The following FAM169A variants were observed in gnomAD, a reference collection of about 807,000 sequenced individuals.
The protein encoded by FAM169A is family with sequence similarity 169 member A, also known as soluble lamin-associated protein of 75 kDa.
A neutral mutation model predicts 75.7 loss-of-function variants in FAM169A; 24 were observed. That is an observed-to-expected ratio of 0.32 (90% CI 0.23 to 0.45). FAM169A has a LOEUF of 0.45. FAM169A is among the 20% of genes least tolerant of loss of function. The pLI is 1.00. For synonymous variants in FAM169A, 271 were observed against 271.0 expected (o/e 1.00, Z 0.00); for missense variants, 673 against 784.0 (o/e 0.86, Z 1.69).
rs1473113581 is a variant in FAM169A at position 74,795,895 on chromosome 5, T to G, written c.1260+135A>C. On this transcript the variant is annotated intron_variant, in intron 11 of 12. Coordinates refer to ENST00000687041, the MANE Select transcript of FAM169A (RefSeq NM_001376049.1). ...AACTCTAGTACCTGACCTTGCTTAA[T>G]ATATATGATTTTTAACACTAAACGC... 10 of 780,128 alleles carry G rather than the reference T, an allele frequency of 1.3e-5. No individual in the cohort carries two copies. The Admixed American group carries it at 2.3e-4, about 18-fold the overall frequency. The allele number at this position is 780,128 out of a possible 1,614,324, so 48.3% of individuals were successfully genotyped here.
intron 6 of FAM169A, among the ~76,000 whole-genome samples, chr5:74,809,132 G>T (rs868040047): frequency 6.6e-6 from 1 of 152,108 alleles, no homozygotes; most frequent in South Asian, 2.1e-4. Context: ...GAAAAAAGGA[G>T]AAAGAACAAA....
intron 12 of FAM169A, 116 bp from the exon 13 acceptor site, chr5:74,782,124 A>G: frequency 1.3e-6 from 1 of 759,132 alleles, no homozygotes; most frequent in South Asian, 1.9e-5. Flanking sequence ...TTCATTACTC[A>G]AAATCGAGTA....
In FAM169A at chr5:74,811,326, G is replaced by C. The variant is rs1441178960; in HGVS notation, c.670+2514C>G. On this transcript the variant is annotated intron_variant, in intron 6 of 12. Coordinates refer to ENST00000687041, the MANE Select transcript of FAM169A (RefSeq NM_001376049.1). Reference sequence around the variant, plus strand: ...TTGGTATTCAATTTATTTATCATTAGAATCACAGAAGAGAGTAAGTGCTAA... The same window carrying C: ...TTGGTATTCAATTTATTTATCATTACAATCACAGAAGAGAGTAAGTGCTAA... 5.3e-5 allele frequency among the ~76,000 whole-genome samples: 8 copies of C among 152,154 alleles called. No homozygotes were observed. In the East Asian group the frequency reaches 1.5e-3, roughly 29 times the overall value.
At chr5:74,847,239 A>G (rs905733357) in intron 1 of FAM169A, among the ~76,000 whole-genome samples, 15 of 152,192 alleles carry the variant, frequency 9.9e-5, no homozygotes, top group Middle Eastern at 3.4e-3. Flanking sequence ...CATTTCCAGA[A>G]CTTTTTCATC....
Position 74,781,972 on chromosome 5 carries a change from C to CT in FAM169A, c.1500_1501insA (p.Glu501ArgfsTer5). On this transcript the variant is annotated frameshift_variant, in exon 13 of 13. Coordinates refer to ENST00000687041, the MANE Select transcript of FAM169A (RefSeq NM_001376049.1). LOFTEE classifies it high-confidence loss of function. ...TGCCCCTTTTCATCAGATGTGCCTT[C>CT]ATCCATCAACATTTCTGAGTCAGGT... 1.2e-6 allele frequency: 2 copies of CT among 1,613,218 alleles called. No individual in the cohort carries two copies. Among genetic ancestry groups the CT allele is most frequent in the Non-Finnish European group, 1.7e-6 (2 of 1,179,298 alleles).
At position 74,781,236 on chromosome 5, in the gene FAM169A, TTAA is replaced by T. The variant is rs1745394575; in HGVS notation, c.*221_*223del. 2.1e-6 allele frequency: 1 copy of T among 478,830 alleles called. No homozygotes were observed. The highest frequency in any genetic ancestry group is 4.2e-5 in the South Asian group (1 of 23,778). The allele number at this position is 478,830 out of a possible 1,614,324, so 29.7% of individuals were successfully genotyped here. ...CTGGTTTCCCAAAATTGAAACATGG[TTAA>T]TAAAAATAAAAAATTGCATTTACCA... On this transcript the variant is annotated 3_prime_UTR_variant, in exon 13 of 13. Coordinates refer to ENST00000687041, the MANE Select transcript of FAM169A (RefSeq NM_001376049.1).
Position 74,806,256 on chromosome 5 carries a change from G to A in FAM169A, c.671-972C>T, listed in dbSNP as rs145159413. ...AAACTCCACTAGGAAAGAACCACAC[G>A]TACACTACAACTTGCCAAATGACAG... On this transcript the variant is annotated intron_variant, in intron 6 of 12. Coordinates refer to ENST00000687041, the MANE Select transcript of FAM169A (RefSeq NM_001376049.1). 5.8e-3 allele frequency among the ~76,000 whole-genome samples: 882 copies of A among 152,172 alleles called. 2 individuals are homozygous for A. Among genetic ancestry groups the A allele is most frequent in the South Asian group, 0.02 (95 of 4,818 alleles).
intron 5 of FAM169A, among the ~76,000 whole-genome samples, chr5:74,817,884 G>A (rs1747551666): frequency 6.6e-6 from 1 of 152,082 alleles, no homozygotes; most frequent in Non-Finnish European, 1.5e-5. Flanking sequence ...TTTCAACAGG[G>A]TGCCAAGACA....
Position 74,781,877 on chromosome 5 carries a change from A to G in FAM169A, c.1596T>C (p.Thr532=). 6.2e-7 allele frequency: 1 copy of G among 1,614,122 alleles called. No homozygotes were observed. Among genetic ancestry groups the G allele is most frequent in the Non-Finnish European group, 8.5e-7 (1 of 1,179,992 alleles). ...AHLGSSDNVA[T]MSNEERSDGG... is the part of the protein sequence containing the mutation. ...CATCAGATCGTTCTTCATTTGACAT[A>G]GTAGCAACATTGTCTGAACTCCCAA... Residue 532 remains threonine, a synonymous_variant, in exon 13 of 13, where the codon ACT becomes ACC. Transcript: ENST00000687041.
intron 2 of FAM169A, among the ~76,000 whole-genome samples, chr5:74,840,713 T>TA (rs1748818171): frequency 6.6e-6 from 1 of 151,302 alleles, no homozygotes. Context: ...CCTGTAGTCC[T>TA]AGCTACTCGG....
At chr5:74,839,618 G>A (rs1451601687) in intron 3 of FAM169A, among the ~76,000 whole-genome samples, 1 of 150,132 alleles carries the variant, frequency 6.7e-6, no homozygotes, top group African/African-American at 2.5e-5. Flanking sequence ...TCCACCTCCT[G>A]GGTTCAAGCG....
intron 11 of FAM169A, among the ~76,000 whole-genome samples, chr5:74,785,643 T>C (rs1230603806): frequency 1.3e-5 from 2 of 152,170 alleles, no homozygotes. Context: ...ACATGCCTAA[T>C]TCAAGCTACT....
intron 1 of FAM169A, among the ~76,000 whole-genome samples, chr5:74,856,097 C>T (rs932491880): frequency 5.9e-5 from 9 of 152,104 alleles, no homozygotes; most frequent in Admixed American, 1.3e-4. Context: ...ACTGTAGATG[C>T]GCAGATTTAT....
At chr5:74,858,610 G>A (rs1051992042) in intron 1 of FAM169A, among the ~76,000 whole-genome samples, 1 of 152,038 alleles carries the variant, frequency 6.6e-6, no homozygotes, top group African/African-American at 2.4e-5. Context: ...GAGTGTAAGG[G>A]TCAAAAAGCT....
chr5:74,799,880 C>G (rs1045270464), intron 10 of FAM169A: 20 of 991,578 alleles, frequency 2.0e-5, no homozygotes, highest in Non-Finnish European at 3.1e-5. Context: ...TCCAACGCAA[C>G]ATGTCTGCCA....
At chr5:74,782,775 C>T (rs1296952324) in intron 12 of FAM169A, among the ~76,000 whole-genome samples, 156 bp downstream of exon 12, 1 of 152,126 alleles carries the variant, frequency 6.6e-6, no homozygotes, top group African/African-American at 2.4e-5. Flanking sequence ...TAGAATATTA[C>T]TGATTTTCTT....
At chr5:74,845,362 C>T (rs1234206757) in intron 1 of FAM169A, among the ~76,000 whole-genome samples, 1 of 151,900 alleles carries the variant, frequency 6.6e-6, no homozygotes, top group Non-Finnish European at 1.5e-5. Flanking sequence ...ACTAAAAACA[C>T]AAAAAATTAG....
At chr5:74,789,454 G>T (rs1324581704) in intron 11 of FAM169A, among the ~76,000 whole-genome samples, 1 of 152,214 alleles carries the variant, frequency 6.6e-6, no homozygotes, top group Non-Finnish European at 1.5e-5. Flanking sequence ...GGATTTTGGA[G>T]GCAACAAATT....
At chr5:74,859,551 G>A (rs917935685) in intron 1 of FAM169A, among the ~76,000 whole-genome samples, 1 of 152,048 alleles carries the variant, frequency 6.6e-6, no homozygotes, top group African/African-American at 2.4e-5. Flanking sequence ...GCCTCCCATA[G>A]TGCTGGGATT....
Sources: gnomAD v4.1 joint callset for allele counts (sites outside exome capture counted in the v4.1 genomes callset) on GRCh38, gnomAD v4.1.1 for gene constraint, MANE v1.5 for transcripts, NCBI Gene and HGNC (gene_info 2026-07-23, HGNC 2026-07-21) for gene names.